The following MACROD2 variants were observed in gnomAD, a reference collection of about 807,000 sequenced individuals.
The protein encoded by MACROD2 is mono-ADP ribosylhydrolase 2.
Under a neutral mutation model 70.4 loss-of-function variants are expected in MACROD2, and 36 were observed. The observed-to-expected ratio is 0.51, with a 90% CI of 0.39 to 0.68. The LOEUF is 0.68. MACROD2 is among the 30% of genes least tolerant of loss of function. MACROD2 has a pLI of 0.00. For missense variants in MACROD2, 496 were observed against 538.4 expected (o/e 0.92, Z 0.78); for synonymous variants, 172 against 178.8 (o/e 0.96, Z 0.30).
chr20:15,609,901 C>G (rs969386188), intron 8 of MACROD2, among the ~76,000 whole-genome samples: 12 of 152,174 alleles, frequency 7.9e-5, no homozygotes, highest in Admixed American at 3.9e-4. Flanking sequence ...AACTCACAGG[C>G]AGGAAGTCCC....
At chr20:15,977,604 A>G (rs142901569) in intron 13 of MACROD2, among the ~76,000 whole-genome samples, 1 of 152,336 alleles carries the variant, frequency 6.6e-6, no homozygotes, top group East Asian at 1.9e-4. Flanking sequence ...AATTAAATAG[A>G]CATTGATTGA....
chr20:14,523,026 A>T (rs1015159145), intron 4 of MACROD2, among the ~76,000 whole-genome samples: 15 of 152,038 alleles, frequency 9.9e-5, no homozygotes, highest in African/African-American at 3.6e-4. Flanking sequence ...TTATCCCTCG[A>T]TCTGTTATTA....
intron 8 of MACROD2, among the ~76,000 whole-genome samples, chr20:15,850,186 A>G (rs1433477958): frequency 6.6e-6 from 1 of 152,218 alleles, no homozygotes; most frequent in East Asian, 1.9e-4. Context: ...AGGTGAGGAG[A>G]GTTGACACAG....
chr20:15,243,142 A>G (rs1408471470), intron 6 of MACROD2, among the ~76,000 whole-genome samples: 6 of 152,076 alleles, frequency 3.9e-5, no homozygotes, highest in Non-Finnish European at 1.5e-5. Flanking sequence ...GTCAAGGGTA[A>G]TTTCTGGAGA....
chr20:14,767,436 C>CT (rs1250531363), intron 5 of MACROD2, among the ~76,000 whole-genome samples: 2 of 151,774 alleles, frequency 1.3e-5, no homozygotes, highest in Non-Finnish European at 2.9e-5. Flanking sequence ...GAGTAAGGTG[C>CT]TAAGAGGCCC....
intron 5 of MACROD2, among the ~76,000 whole-genome samples, chr20:14,861,914 T>C (rs1385850122): frequency 7.6e-6 from 1 of 131,252 alleles, no homozygotes; most frequent in African/African-American, 2.9e-5. Flanking sequence ...TCTGCAATAC[T>C]TGTGGGGGCT....
rs1343545105 is a variant in MACROD2, at chr20:14,084,065, AAAAAACAAAAAACAAAC to A, written c.164-1550_164-1534del. Among the ~76,000 whole-genome samples the A allele has an allele frequency of 3.5e-5, 5 of 144,358 alleles. 1 individual carries two copies. The highest frequency in any genetic ancestry group is 2.8e-4 in the Admixed American group (4 of 14,488). 94.7% of individuals were successfully genotyped at this position (144,358 alleles called of 152,430 possible). A position where few individuals can be genotyped will look rare whatever the true frequency, so the allele number is the denominator to read the frequency against. Reference sequence around the variant, plus strand: ...CGTCAGAGCGAGACTCCGTCTCAAAAAAAAACAAAAAACAAACAAAAAAAAACCTTCCGGGAGAGAAG... The same window carrying A: ...CGTCAGAGCGAGACTCCGTCTCAAAAAAAAAAAAACCTTCCGGGAGAGAAG... On this transcript the variant is annotated intron_variant, in intron 2 of 17. Transcript: ENST00000684519.
At chr20:14,164,113 T>G (rs1422931192) in intron 3 of MACROD2, among the ~76,000 whole-genome samples, 1 of 152,188 alleles carries the variant, frequency 6.6e-6, no homozygotes, top group Non-Finnish European at 1.5e-5. Context: ...AGAACTTTTT[T>G]TTTTTGAAGA....
chr20:15,371,250 G>A (rs1055085083), intron 6 of MACROD2, among the ~76,000 whole-genome samples: 2 of 152,038 alleles, frequency 1.3e-5, no homozygotes, highest in East Asian at 1.9e-4. Context: ...TCTTCATCAC[G>A]GCTTGCCTTT....
chr20:14,958,386 C>T (rs1026003244), intron 5 of MACROD2, among the ~76,000 whole-genome samples: 2 of 152,114 alleles, frequency 1.3e-5, no homozygotes, highest in Non-Finnish European at 2.9e-5. Flanking sequence ...GTTTCCTTTC[C>T]GTTCAGATTT....
chr20:15,176,869 C>T (rs928661592), intron 5 of MACROD2, among the ~76,000 whole-genome samples: 2 of 152,200 alleles, frequency 1.3e-5, no homozygotes, highest in African/African-American at 2.4e-5. Flanking sequence ...CTGTGACACC[C>T]TCTTTGGGGC....
chr20:15,426,932 G>A lies in MACROD2; in HGVS notation c.541-4473G>A, dbSNP rs1302647860. ...GCCCCATCAGAAGTTTATTATGGCA[G>A]AGAACACAAACTATGTGCTGCAAAA... is the stretch of plus-strand genomic sequence containing the variant. On this transcript the variant is annotated intron_variant, in intron 6 of 17. Transcript: ENST00000684519. 2.0e-5 allele frequency among the ~76,000 whole-genome samples: 3 copies of A among 152,078 alleles called. No homozygotes were observed. The East Asian group carries it at 5.8e-4, about 29-fold the overall frequency.
intron 7 of MACROD2, among the ~76,000 whole-genome samples, chr20:15,492,207 C>G (rs1402421982): frequency 1.3e-5 from 2 of 152,108 alleles, no homozygotes; most frequent in Admixed American, 1.3e-4. Context: ...TCCTTCAGCT[C>G]ATTTCTCTCA....
At position 14,581,253 on chromosome 20, in the gene MACROD2, A is replaced by G. The variant is rs141084936; in HGVS notation, c.301+87745A>G. ...CAATGTGTCTCAACCTTAGCTGCATATTAGAATTACCTGGAGAACTCTAAA... is the reference window on the plus strand; with the variant it reads ...CAATGTGTCTCAACCTTAGCTGCATGTTAGAATTACCTGGAGAACTCTAAA... On this transcript the variant is annotated intron_variant, in intron 4 of 17. Transcript: ENST00000684519. Among the ~76,000 whole-genome samples the G allele has an allele frequency of 1.1e-4, 17 of 152,320 alleles. No homozygotes were observed. In the East Asian group the frequency reaches 1.5e-3, roughly 14 times the overall value.
intron 8 of MACROD2, among the ~76,000 whole-genome samples, chr20:15,796,959 G>C (rs2063679315): frequency 6.6e-6 from 1 of 152,160 alleles, no homozygotes; most frequent in Non-Finnish European, 1.5e-5. Flanking sequence ...GCAATTAATA[G>C]TGTTCTAAAT....
intron 6 of MACROD2, among the ~76,000 whole-genome samples, chr20:15,406,452 A>C (rs1478750155): frequency 6.6e-6 from 1 of 152,212 alleles, no homozygotes; most frequent in Non-Finnish European, 1.5e-5. Context: ...TGGATTAATC[A>C]TATTATAATT....
intron 11 of MACROD2, among the ~76,000 whole-genome samples, chr20:15,936,247 A>T (rs1214633967): frequency 6.7e-6 from 1 of 149,086 alleles, no homozygotes; most frequent in African/African-American, 2.4e-5. Context: ...TGTAGTATAT[A>T]TATGCATATG....
intron 6 of MACROD2, among the ~76,000 whole-genome samples, chr20:15,284,727 A>G (rs935118175): frequency 6.6e-6 from 1 of 152,204 alleles, no homozygotes; most frequent in Admixed American, 6.5e-5. Flanking sequence ...TTACTCCGAT[A>G]GAACGAAGTA....
intron 3 of MACROD2, among the ~76,000 whole-genome samples, chr20:14,370,178 G>A (rs1462215107): frequency 2.6e-5 from 4 of 152,042 alleles, no homozygotes; most frequent in South Asian, 4.1e-4. Flanking sequence ...AACAGAGGAG[G>A]TAAGAAATAA....
Sources: allele counts gnomAD v4.1 joint callset (sites outside exome capture counted in the v4.1 genomes callset), GRCh38; gene constraint gnomAD v4.1.1; transcripts MANE v1.5; gene names NCBI Gene and HGNC (gene_info 2026-07-23, HGNC 2026-07-21).